The following UNC5D variants were observed in gnomAD, a reference collection of about 807,000 sequenced individuals.
UNC5D encodes the protein netrin receptor UNC5D.
UNC5D carries 39 observed loss-of-function variants against 105.4 expected under a neutral mutation model. The ratio of observed to expected loss-of-function variants is 0.37; its 90% CI spans 0.29 to 0.48. The LOEUF (loss-of-function observed/expected upper bound fraction) is 0.48. Among genes scored for constraint, UNC5D ranks in the 20% least tolerant of loss-of-function variants. The pLI is 0.98. For missense variants in UNC5D, 991 were observed against 1,202.4 expected (o/e 0.82, Z 2.60); for synonymous variants, 452 against 450.4 (o/e 1.00, Z -0.04).
At chr8:35,257,247 G>A (rs1253594172) in intron 1 of UNC5D, among the ~76,000 whole-genome samples, 2 of 152,080 alleles carry the variant, frequency 1.3e-5, no homozygotes, top group Non-Finnish European at 2.9e-5. Flanking sequence ...GAGATTACAG[G>A]CGTCAGCCAA....
intron 1 of UNC5D, among the ~76,000 whole-genome samples, chr8:35,329,986 C>T (rs182150111): frequency 4.6e-5 from 7 of 152,264 alleles, no homozygotes; most frequent in Admixed American, 6.5e-5. Flanking sequence ...CTTATTTAAT[C>T]CTCACAATGA....
chr8:35,725,780 C>G (rs1828825087), intron 9 of UNC5D, among the ~76,000 whole-genome samples: 1 of 152,200 alleles, frequency 6.6e-6, no homozygotes, highest in Non-Finnish European at 1.5e-5. Flanking sequence ...TGCAAAACAT[C>G]TCTCCCCCCT....
chr8:35,745,033 G>A (rs188850462), intron 11 of UNC5D, among the ~76,000 whole-genome samples: 207 of 151,324 alleles, frequency 1.4e-3, no homozygotes, highest in African/African-American at 4.3e-3. Context: ...CAGCCTGGGC[G>A]ACAAGAGCAA....
At chr8:35,424,297 AT>A (rs1391367403) in intron 1 of UNC5D, among the ~76,000 whole-genome samples, 1 of 152,232 alleles carries the variant, frequency 6.6e-6, no homozygotes, top group Non-Finnish European at 1.5e-5. Context: ...AGAGAAATTA[AT>A]TTTAATGATA....
chr8:35,443,228 G>C (rs1439836460), intron 1 of UNC5D, among the ~76,000 whole-genome samples: 1 of 151,760 alleles, frequency 6.6e-6, no homozygotes, highest in Non-Finnish European at 1.5e-5. Flanking sequence ...GAGAACTTCT[G>C]TAAAATGTGT....
At chr8:35,462,400 T>A (rs1248247212) in intron 1 of UNC5D, among the ~76,000 whole-genome samples, 3 of 152,160 alleles carry the variant, frequency 2.0e-5, no homozygotes, top group Non-Finnish European at 4.4e-5. Flanking sequence ...TTAATTCTTC[T>A]GTGTGTTACA....
At chr8:35,372,647 A>G (rs561297425) in intron 1 of UNC5D, among the ~76,000 whole-genome samples, 2 of 152,070 alleles carry the variant, frequency 1.3e-5, no homozygotes, top group African/African-American at 4.8e-5. Flanking sequence ...TCTGTCACCC[A>G]GGCTGGAATA....
chr8:35,434,143 T>C (rs1453532892), intron 1 of UNC5D, among the ~76,000 whole-genome samples: 1 of 152,066 alleles, frequency 6.6e-6, no homozygotes, highest in Non-Finnish European at 1.5e-5. Flanking sequence ...TTAAGCTTAA[T>C]TGAAAAACCT....
At chr8:35,408,764 AG>A (rs1437830171) in intron 1 of UNC5D, among the ~76,000 whole-genome samples, 19 of 151,988 alleles carry the variant, frequency 1.3e-4, no homozygotes, top group African/African-American at 4.3e-4. Flanking sequence ...GAGATTAAAA[AG>A]AAAAAAAAAA....
At position 35,353,961 on chromosome 8, in the gene UNC5D, A is replaced by G. The variant is rs944922507; in HGVS notation, c.103+118074A>G. ...TGTAGAGAGGTTGACTTTTCACTGC[A>G]TACTCTTTACAAAGCTTGGAGCTTG... On this transcript the variant is annotated intron_variant, in intron 1 of 16. Transcript: ENST00000404895. Among the ~76,000 whole-genome samples, 12 of 152,290 alleles carry G rather than the reference A, an allele frequency of 7.9e-5. No homozygotes were observed. In the East Asian group the frequency reaches 1.5e-3, roughly 20 times the overall value.
At chr8:35,760,428 A>T (rs1001328726) in intron 14 of UNC5D, among the ~76,000 whole-genome samples, 3 of 152,186 alleles carry the variant, frequency 2.0e-5, no homozygotes, top group Non-Finnish European at 4.4e-5. Context: ...GATTTAAAAA[A>T]AAAAAATTCA....
chr8:35,614,239 G>A (rs1008248609), intron 4 of UNC5D, among the ~76,000 whole-genome samples: 1 of 152,278 alleles, frequency 6.6e-6, no homozygotes. Context: ...ATAAAACCCA[G>A]GAGAGAGTCT....
intron 3 of UNC5D, among the ~76,000 whole-genome samples, chr8:35,583,853 C>T (rs1341959753): frequency 6.6e-6 from 1 of 152,140 alleles, no homozygotes; most frequent in East Asian, 1.9e-4. Flanking sequence ...CAGAAATTGC[C>T]TTCTATGGAA....
At chr8:35,351,866 G>A (rs1812262602) in intron 1 of UNC5D, among the ~76,000 whole-genome samples, 1 of 152,006 alleles carries the variant, frequency 6.6e-6, no homozygotes, top group Non-Finnish European at 1.5e-5. Flanking sequence ...GTTTGAAAAT[G>A]ACTAGTGCTG....
At chr8:35,483,772 A>G (rs968387441) in intron 1 of UNC5D, among the ~76,000 whole-genome samples, 2 of 152,210 alleles carry the variant, frequency 1.3e-5, no homozygotes, top group African/African-American at 4.8e-5. Context: ...TATTGATTTT[A>G]AAATACCATT....
Position 35,278,768 on chromosome 8 carries a change from A to G in UNC5D, c.103+42881A>G, listed in dbSNP as rs543031253. ...ATCTACTCTCTTAGTGAATTTCCAG[A>G]ACCCAGTACAGCATTATTAACTATA... On this transcript the variant is annotated intron_variant, in intron 1 of 16. Transcript: ENST00000404895. 1.6e-4 allele frequency among the ~76,000 whole-genome samples: 24 copies of G among 152,198 alleles called. No homozygotes were observed. The South Asian group carries it at 4.6e-3, about 29-fold the overall frequency.
chr8:35,409,868 TAA>T (rs993764555), intron 1 of UNC5D, among the ~76,000 whole-genome samples: 1 of 151,980 alleles, frequency 6.6e-6, no homozygotes, highest in African/African-American at 2.4e-5. Flanking sequence ...ATTTTATACT[TAA>T]GTCAGCAGTC....
chr8:35,762,026 G>A (rs937496535), intron 14 of UNC5D, among the ~76,000 whole-genome samples: 1 of 152,102 alleles, frequency 6.6e-6, no homozygotes, highest in African/African-American at 2.4e-5. Context: ...CACTATTCCT[G>A]ACATTGTTTA....
chr8:35,343,865 T>G (rs2128904460), intron 1 of UNC5D, among the ~76,000 whole-genome samples: 1 of 152,270 alleles, frequency 6.6e-6, no homozygotes, highest in South Asian at 2.1e-4. Context: ...AAATTCTATT[T>G]AAGGACTGCT....
Sources: allele counts gnomAD v4.1 joint callset (sites outside exome capture counted in the v4.1 genomes callset), GRCh38; gene constraint gnomAD v4.1.1; transcripts MANE v1.5; gene names NCBI Gene and HGNC (gene_info 2026-07-23, HGNC 2026-07-21).